Variants in HS3ST2 observed in about 807,000 individuals in gnomAD.
HS3ST2 encodes the protein heparan sulfate-glucosamine 3-sulfotransferase 2.
In HS3ST2, 17 loss-of-function variants were observed where a neutral mutation model predicts 26.3. The ratio of observed to expected loss-of-function variants is 0.65; its 90% CI spans 0.44 to 0.97. The LOEUF (loss-of-function observed/expected upper bound fraction) is 0.97. Among genes scored for constraint, HS3ST2 ranks in the 50% least tolerant of loss-of-function variants. The probability of loss-of-function intolerance (pLI) is 0.00; values close to 1 mark genes in which losing one functional copy is unlikely to be tolerated. For missense variants in HS3ST2, 402 were observed against 501.2 expected (o/e 0.80, Z 1.89); for synonymous variants, 237 against 219.2 (o/e 1.08, Z -0.72).
chr16:22,865,246 A>C (rs894750974), intron 1 of HS3ST2, among the ~76,000 whole-genome samples: 1 of 152,066 alleles, frequency 6.6e-6, no homozygotes, highest in African/African-American at 2.4e-5. Context: ...AGTATTTGTA[A>C]ATAATGTCCA....
intron 1 of HS3ST2, among the ~76,000 whole-genome samples, chr16:22,911,996 C>A (rs28594678): frequency 0.075 from 11,454 of 152,102 alleles, 525 homozygotes; most frequent in African/African-American, 0.11. Context: ...GTGGTGAGTG[C>A]CTGTAGTCCA....
At chr16:22,887,996 C>T (rs927479847) in intron 1 of HS3ST2, among the ~76,000 whole-genome samples, 11 of 152,188 alleles carry the variant, frequency 7.2e-5, no homozygotes, top group African/African-American at 2.7e-4. Flanking sequence ...ATAAATACAA[C>T]AGCTTTCTTG....
chr16:22,828,189 C>G (rs1192070329), intron 1 of HS3ST2, among the ~76,000 whole-genome samples: 1 of 152,156 alleles, frequency 6.6e-6, no homozygotes, highest in East Asian at 1.9e-4. Context: ...GTCTTCACTC[C>G]CAAATAGGTG....
chr16:22,870,768 G>A (rs1901825957), intron 1 of HS3ST2, among the ~76,000 whole-genome samples: 1 of 152,094 alleles, frequency 6.6e-6, no homozygotes, highest in Non-Finnish European at 1.5e-5. Flanking sequence ...CCCCTTCTGA[G>A]GGAAGTTTTC....
At chr16:22,847,335 A>G (rs1302493982) in intron 1 of HS3ST2, among the ~76,000 whole-genome samples, 1 of 152,190 alleles carries the variant, frequency 6.6e-6, no homozygotes, top group Non-Finnish European at 1.5e-5. Context: ...GCTGCATAGA[A>G]TTCCATGGTG....
chr16:22,910,379 C>T (rs1393243600), intron 1 of HS3ST2, among the ~76,000 whole-genome samples: 1 of 152,176 alleles, frequency 6.6e-6, no homozygotes, highest in Non-Finnish European at 1.5e-5. Context: ...AGTCTTTAAA[C>T]ACAGTTTAAA....
chr16:22,818,758 TTCATTCCTTCCTTCCC>T (rs1900919438), intron 1 of HS3ST2, among the ~76,000 whole-genome samples: 2 of 39,994 alleles, frequency 5.0e-5, no homozygotes, highest in African/African-American at 3.0e-4. Flanking sequence ...CCTTCCTTCC[TTCATTCCTTCCTTCCC>T]TCCTTCCTTC....
intron 1 of HS3ST2, among the ~76,000 whole-genome samples, chr16:22,830,136 G>A (rs1901147657): frequency 6.7e-6 from 1 of 150,062 alleles, no homozygotes; most frequent in Non-Finnish European, 1.5e-5. Flanking sequence ...TGTTGAGTTT[G>A]TGATGCTGTC....
rs141789045 is a variant in HS3ST2 at position 22,884,101 on chromosome 16, C to T, written c.486-30843C>T. Among the ~76,000 whole-genome samples, 167 of 152,332 alleles carry T rather than the reference C, an allele frequency of 1.1e-3. 2 individuals are homozygous for T. The highest frequency in any genetic ancestry group is 3.6e-3 in the African/African-American group (148 of 41,570). On this transcript the variant is annotated intron_variant, in intron 1 of 1. Coordinates refer to ENST00000261374, the MANE Select transcript of HS3ST2 (RefSeq NM_006043.2). ...ACCCAGGGTCAAGAAAGGCATTGAG[C>T]TATGCTTGACCCAGATTCCACTGGA...
At chr16:22,839,368 T>C (rs546466213) in intron 1 of HS3ST2, among the ~76,000 whole-genome samples, 1 of 152,300 alleles carries the variant, frequency 6.6e-6, no homozygotes, top group South Asian at 2.1e-4. Flanking sequence ...AAGAACAAAA[T>C]ATAAGTAGCA....
intron 1 of HS3ST2, among the ~76,000 whole-genome samples, chr16:22,894,019 C>T (rs1295186161): frequency 6.6e-6 from 1 of 152,152 alleles, no homozygotes; most frequent in African/African-American, 2.4e-5. Flanking sequence ...CTTGGTCTTA[C>T]TATGTTGCCC....
rs542978900 is a variant in HS3ST2, at chr16:22,878,609, T to TA, written c.486-36335_486-36334insA. Among the ~76,000 whole-genome samples, 341 of 144,550 alleles carry TA rather than the reference T, an allele frequency of 2.4e-3. 1 individual carries two copies. Among genetic ancestry groups the TA allele is most frequent in the African/African-American group, 8.5e-3 (319 of 37,606 alleles). The allele number at this position is 144,550 out of a possible 152,430, so 94.8% of individuals were successfully genotyped here. A position where few individuals can be genotyped will look rare whatever the true frequency, so the allele number is the denominator to read the frequency against. On this transcript the variant is annotated intron_variant, in intron 1 of 1. Coordinates refer to ENST00000261374, the MANE Select transcript of HS3ST2 (RefSeq NM_006043.2). Reference sequence around the variant, plus strand: ...GATATGAAGCGGGGGCCTAACAGGGTCAAAAAAAAAGAAATAAATACATTA... The same window carrying TA: ...GATATGAAGCGGGGGCCTAACAGGGTACAAAAAAAAAGAAATAAATACATTA...
At chr16:22,843,782 G>C (rs1901393223) in intron 1 of HS3ST2, among the ~76,000 whole-genome samples, 1 of 152,152 alleles carries the variant, frequency 6.6e-6, no homozygotes, top group African/African-American at 2.4e-5. Context: ...GAAGTTTCAA[G>C]ATGTCAGCAT....
At chr16:22,892,528 G>T (rs1217799223) in intron 1 of HS3ST2, among the ~76,000 whole-genome samples, 1 of 151,978 alleles carries the variant, frequency 6.6e-6, no homozygotes, top group Admixed American at 6.6e-5. Flanking sequence ...TATAATCACA[G>T]CATAGCAGTT....
chr16:22,821,697 C>G (rs1043505110), intron 1 of HS3ST2, among the ~76,000 whole-genome samples: 4 of 152,122 alleles, frequency 2.6e-5, no homozygotes, highest in Admixed American at 6.5e-5. Flanking sequence ...TGCCAGGCTG[C>G]TGTAGGCCGG....
intron 1 of HS3ST2, among the ~76,000 whole-genome samples, chr16:22,843,967 G>C (rs1901395775): frequency 6.6e-6 from 1 of 151,758 alleles, no homozygotes; most frequent in Admixed American, 6.6e-5. Context: ...ACTGTAACAA[G>C]GGATATGGGA....
At chr16:22,823,940 G>A (rs1233752139) in intron 1 of HS3ST2, among the ~76,000 whole-genome samples, 1 of 152,192 alleles carries the variant, frequency 6.6e-6, no homozygotes, top group African/African-American at 2.4e-5. Flanking sequence ...TAAAGGGTGT[G>A]GTGAGCATTT....
intron 1 of HS3ST2, among the ~76,000 whole-genome samples, chr16:22,869,265 A>G (rs890085433): frequency 2.0e-5 from 3 of 152,132 alleles, no homozygotes; most frequent in Non-Finnish European, 4.4e-5. Context: ...GGGAGGCAGC[A>G]TCGTGTTGTA....
Position 22,814,597 on chromosome 16 carries a change from G to A in HS3ST2, c.-14G>A, listed in dbSNP as rs752430782. On this transcript the variant is annotated 5_prime_UTR_variant, in exon 1 of 2. Transcript: ENST00000261374. ...CCTCGGAAACCATGACCCCCGGCGC[G>A]GGCCCATGGAGCCATGGCCTATAGG... 5 of 1,512,604 alleles carry A rather than the reference G, an allele frequency of 3.3e-6. No homozygotes were observed. Among genetic ancestry groups the A allele is most frequent in the African/African-American group, 1.4e-5 (1 of 69,486 alleles). 93.7% of individuals were successfully genotyped at this position (1,512,604 alleles called of 1,614,324 possible). A position where few individuals can be genotyped will look rare whatever the true frequency, so the allele number is the denominator to read the frequency against.
Sources: gnomAD v4.1 joint callset for allele counts (sites outside exome capture counted in the v4.1 genomes callset) on GRCh38, gnomAD v4.1.1 for gene constraint, MANE v1.5 for transcripts, NCBI Gene and HGNC (gene_info 2026-07-23, HGNC 2026-07-21) for gene names.